UNC5D: variants seen among roughly 807,000 people sequenced by gnomAD.
UNC5D encodes netrin receptor UNC5D.
UNC5D carries 39 observed loss-of-function variants against 105.4 expected under a neutral mutation model. That is an observed-to-expected ratio of 0.37 (90% CI 0.29 to 0.48). UNC5D has a LOEUF of 0.48. Ranked by LOEUF, UNC5D falls within the 20% of genes least tolerant of loss-of-function variation. The pLI, the probability that UNC5D is intolerant of heterozygous loss-of-function variation, is 0.98. For synonymous variants in UNC5D, 452 were observed against 450.4 expected (o/e 1.00, Z -0.04); for missense variants, 991 against 1,202.4 (o/e 0.82, Z 2.60).
rs559934527 is a variant in UNC5D, at chr8:35,715,612, G to A, written c.1118-6598G>A. Reference sequence around the variant, plus strand: ...TCAGTAGATGTTAAAAAGGCGGCATGTTTGAGAAGTTTGTGAGAGAGTAAG... The same window carrying A: ...TCAGTAGATGTTAAAAAGGCGGCATATTTGAGAAGTTTGTGAGAGAGTAAG... On this transcript the variant is annotated intron_variant, in intron 8 of 16. Transcript: ENST00000404895. Among the ~76,000 whole-genome samples the A allele has an allele frequency of 1.1e-4, 16 of 152,324 alleles. No individual in the cohort carries two copies. The East Asian group carries it at 3.1e-3, about 29-fold the overall frequency.
intron 13 of UNC5D, among the ~76,000 whole-genome samples, chr8:35,758,820 A>G (rs188350771): frequency 1.4e-4 from 22 of 152,360 alleles, no homozygotes; most frequent in African/African-American, 4.6e-4. Flanking sequence ...AACATGATAC[A>G]TGCACACTGG....
intron 1 of UNC5D, among the ~76,000 whole-genome samples, chr8:35,258,505 C>T (rs1335699151): frequency 6.6e-6 from 1 of 152,122 alleles, no homozygotes; most frequent in Non-Finnish European, 1.5e-5. Context: ...AATAATTGAA[C>T]CTTTCTGTGT....
At chr8:35,708,423 A>G (rs73583060) in intron 8 of UNC5D, among the ~76,000 whole-genome samples, 5,029 of 152,294 alleles carry the variant, frequency 0.033, 275 homozygotes, top group African/African-American at 0.11. Context: ...ATCTTAAATT[A>G]TCTTCAGGTG....
rs1249841253 is a variant in UNC5D at position 35,796,422 on chromosome 8, G to A, written c.*5859G>A. The A allele has an allele frequency of 2.3e-4, 25 of 109,698 alleles. No homozygotes were observed. The highest frequency in any genetic ancestry group is 6.6e-4 in the African/African-American group (16 of 24,224). The allele number at this position is 109,698 out of a possible 1,614,324, so 6.8% of individuals were successfully genotyped here. A position where few individuals can be genotyped will look rare whatever the true frequency, so the allele number is the denominator to read the frequency against. ...ATGGACGGTTTGGATGTTTTATGTCGAGTTTGCAAAAAAAAAAAAAAAAAA... is the reference window on the plus strand; with the variant it reads ...ATGGACGGTTTGGATGTTTTATGTCAAGTTTGCAAAAAAAAAAAAAAAAAA... On this transcript the variant is annotated 3_prime_UTR_variant, in exon 17 of 17. Transcript: ENST00000404895.
intron 1 of UNC5D, among the ~76,000 whole-genome samples, chr8:35,404,026 C>T (rs1279356311): frequency 1.3e-5 from 2 of 152,172 alleles, no homozygotes; most frequent in Non-Finnish European, 2.9e-5. Flanking sequence ...CTTGTTCTCC[C>T]AGCCTGAGGT....
intron 1 of UNC5D, among the ~76,000 whole-genome samples, chr8:35,347,165 T>C (rs1451222467): frequency 6.6e-6 from 1 of 152,020 alleles, no homozygotes; most frequent in South Asian, 2.1e-4. Flanking sequence ...ACAGAACACA[T>C]TGATTGACGA....
At chr8:35,397,975 A>T (rs1230239664) in intron 1 of UNC5D, among the ~76,000 whole-genome samples, 1 of 152,176 alleles carries the variant, frequency 6.6e-6, no homozygotes, top group Non-Finnish European at 1.5e-5. Flanking sequence ...TCTTTTTGTT[A>T]CTTTGCATCT....
At chr8:35,423,942 A>C (rs1274798837) in intron 1 of UNC5D, among the ~76,000 whole-genome samples, 1 of 150,764 alleles carries the variant, frequency 6.6e-6, no homozygotes, top group Admixed American at 6.7e-5. Context: ...AACTACAGGC[A>C]TGTGCCACCA....
At chr8:35,761,557 C>T (rs957266784) in intron 14 of UNC5D, among the ~76,000 whole-genome samples, 1 of 152,172 alleles carries the variant, frequency 6.6e-6, no homozygotes, top group African/African-American at 2.4e-5. Context: ...AAGTTGTGAA[C>T]ATGTATAAAT....
At chr8:35,526,786 C>G (rs1270889929) in intron 1 of UNC5D, among the ~76,000 whole-genome samples, 1 of 151,494 alleles carries the variant, frequency 6.6e-6, no homozygotes, top group African/African-American at 2.4e-5. Context: ...TGCCTCCCCT[C>G]ATTAAAAAAA....
At chr8:35,750,837 T>C (rs773626737) in intron 13 of UNC5D, 28 bp downstream of exon 13, 2 of 1,611,890 alleles carry the variant, frequency 1.2e-6, no homozygotes, top group South Asian at 1.1e-5. Context: ...TAATTTTCTT[T>C]TGGTGTCATG....
intron 1 of UNC5D, among the ~76,000 whole-genome samples, chr8:35,402,846 T>A (rs1395140935): frequency 2.0e-5 from 3 of 152,168 alleles, no homozygotes; most frequent in Non-Finnish European, 4.4e-5. Flanking sequence ...GACAGTTTGA[T>A]GTACCTCAGA....
chr8:35,304,116 G>T (rs1034717107), intron 1 of UNC5D, among the ~76,000 whole-genome samples: 4 of 150,528 alleles, frequency 2.7e-5, no homozygotes, highest in African/African-American at 7.3e-5. Context: ...CCTGGACTTG[G>T]TTTTTTTTTC....
intron 1 of UNC5D, among the ~76,000 whole-genome samples, chr8:35,506,974 GACAA>G (rs1246567220): frequency 6.0e-5 from 9 of 151,148 alleles, no homozygotes; most frequent in Middle Eastern, 3.4e-3. Context: ...AATTATGTTT[GACAA>G]ACAAATCTAC....
At chr8:35,787,335 C>T (rs1271900975) in intron 16 of UNC5D, among the ~76,000 whole-genome samples, 1 of 152,042 alleles carries the variant, frequency 6.6e-6, no homozygotes, top group Non-Finnish European at 1.5e-5. Flanking sequence ...TTTGAAACAA[C>T]AATAGAGATC....
At chr8:35,265,224 T>G (rs1212932063) in intron 1 of UNC5D, among the ~76,000 whole-genome samples, 2 of 152,222 alleles carry the variant, frequency 1.3e-5, no homozygotes, top group African/African-American at 2.4e-5. Context: ...TCTGATGCTA[T>G]TACTTAATCA....
At chr8:35,496,884 A>C (rs1811634990) in intron 1 of UNC5D, among the ~76,000 whole-genome samples, 2 of 152,274 alleles carry the variant, frequency 1.3e-5, no homozygotes, top group South Asian at 4.1e-4. Flanking sequence ...TTTTTTAAAC[A>C]ATCTGGTTTC....
chr8:35,764,839 C>T (rs1801694832), intron 14 of UNC5D, among the ~76,000 whole-genome samples: 1 of 152,122 alleles, frequency 6.6e-6, no homozygotes, highest in Non-Finnish European at 1.5e-5. Flanking sequence ...AGTAGTAGCC[C>T]CTTTCAGGGT....
At chr8:35,343,606 A>G (rs888280869) in intron 1 of UNC5D, among the ~76,000 whole-genome samples, 1 of 152,028 alleles carries the variant, frequency 6.6e-6, no homozygotes, top group Non-Finnish European at 1.5e-5. Flanking sequence ...TTTCTTTGTA[A>G]CCCATTCAGC....
Sources: gnomAD v4.1 joint callset for allele counts (sites outside exome capture counted in the v4.1 genomes callset) on GRCh38, gnomAD v4.1.1 for gene constraint, MANE v1.5 for transcripts, NCBI Gene and HGNC (gene_info 2026-07-23, HGNC 2026-07-21) for gene names.